The following DSCAM variants were observed in gnomAD, a reference collection of about 807,000 sequenced individuals.
DSCAM encodes cell adhesion molecule DSCAM.
A neutral mutation model predicts 217.7 loss-of-function variants in DSCAM; 47 were observed. The observed-to-expected ratio is 0.22, with a 90% CI of 0.17 to 0.28. The LOEUF (loss-of-function observed/expected upper bound fraction) is 0.28. Ranked by LOEUF, DSCAM falls within the 10% of genes least tolerant of loss-of-function variation. The pLI, the probability that DSCAM is intolerant of heterozygous loss-of-function variation, is 1.00. For synonymous variants in DSCAM, 1,056 were observed against 1,015.3 expected (o/e 1.04, Z -0.76); for missense variants, 2,080 against 2,618.3 (o/e 0.79, Z 4.49).
chr21:40,105,361 C>T (rs2410213), intron 20 of DSCAM, among the ~76,000 whole-genome samples: 16,948 of 152,212 alleles, frequency 0.11, 1,266 homozygotes, highest in Middle Eastern at 0.19. Flanking sequence ...CAAATCTCAT[C>T]TTGAATTGTA....
At chr21:40,645,443 A>G (rs182538387) in intron 3 of DSCAM, among the ~76,000 whole-genome samples, 22 of 152,336 alleles carry the variant, frequency 1.4e-4, no homozygotes, top group African/African-American at 4.6e-4. Context: ...CTGTTAATTG[A>G]ATTAGGGTAA....
intron 18 of DSCAM, among the ~76,000 whole-genome samples, chr21:40,141,402 G>T (rs1329700464): frequency 6.6e-6 from 1 of 152,088 alleles, no homozygotes; most frequent in Non-Finnish European, 1.5e-5. Flanking sequence ...ATCACTTGAG[G>T]CCAGGAGTTC....
chr21:40,446,842 T>G (rs1008108785), intron 3 of DSCAM, among the ~76,000 whole-genome samples: 2 of 152,112 alleles, frequency 1.3e-5, no homozygotes, highest in African/African-American at 4.8e-5. Flanking sequence ...AAAATATAAA[T>G]CCCTATGACT....
At chr21:40,297,041 G>A (rs2073962910) in intron 9 of DSCAM, among the ~76,000 whole-genome samples, 1 of 152,060 alleles carries the variant, frequency 6.6e-6, no homozygotes, top group Non-Finnish European at 1.5e-5. Flanking sequence ...CCAAAATTCT[G>A]GTGAGAACAC....
chr21:40,645,142 T>C (rs1379919466), intron 3 of DSCAM, among the ~76,000 whole-genome samples: 4 of 152,212 alleles, frequency 2.6e-5, no homozygotes, highest in African/African-American at 9.6e-5. Context: ...TACTCTCTTC[T>C]TGCATCCTTT....
chr21:40,040,578 AAAAT>A (rs1482312292), intron 32 of DSCAM, among the ~76,000 whole-genome samples: 4 of 134,424 alleles, frequency 3.0e-5, no homozygotes, highest in Admixed American at 7.4e-5. Context: ...TCACTGGAGA[AAAAT>A]AAAAGCAAGA....
At position 40,313,672 on chromosome 21, in the gene DSCAM, T is replaced by G. The variant is rs866124896; in HGVS notation, c.1784-1313A>C. Among the ~76,000 whole-genome samples the G allele has an allele frequency of 3.3e-5, 5 of 152,280 alleles. No individual in the cohort carries two copies. The Middle Eastern group carries it at 0.01, about 311-fold the overall frequency. On this transcript the variant is annotated intron_variant, in intron 8 of 32. Transcript: ENST00000400454. The stretch of plus-strand genomic sequence containing the variant: ...GATACTCAAAGATGTTACCTTGCCC[T>G]TTTGGTCTTAGAACTAGTTAACTAT...
intron 3 of DSCAM, among the ~76,000 whole-genome samples, chr21:40,588,935 A>G (rs2076965026): frequency 6.6e-6 from 1 of 152,198 alleles, no homozygotes; most frequent in South Asian, 2.1e-4. Context: ...TTCTGTAGCC[A>G]TATTTTCAGG....
At chr21:40,518,788 G>T (rs2076336353) in intron 3 of DSCAM, among the ~76,000 whole-genome samples, 1 of 150,238 alleles carries the variant, frequency 6.7e-6, no homozygotes, top group African/African-American at 2.5e-5. Flanking sequence ...ACTGTGCATG[G>T]CTTAACAGTG....
At chr21:40,706,139 G>A (rs1349983764) in intron 2 of DSCAM, among the ~76,000 whole-genome samples, 4 of 146,274 alleles carry the variant, frequency 2.7e-5, no homozygotes, top group Non-Finnish European at 5.9e-5. Context: ...GAGATCGCGC[G>A]ACTGCACTCC....
At chr21:40,296,318 A>T in intron 9 of DSCAM, 144 bp from the exon 10 acceptor site, 1 of 1,034,682 alleles carries the variant, frequency 9.7e-7, no homozygotes, top group Non-Finnish European at 1.4e-6. Context: ...CACTATTGGC[A>T]GTTTGGGACA....
intron 11 of DSCAM, among the ~76,000 whole-genome samples, chr21:40,226,325 T>C (rs2091332487): frequency 6.6e-6 from 1 of 152,226 alleles, no homozygotes; most frequent in African/African-American, 2.4e-5. Context: ...TAGACAATTC[T>C]TTGTAATTCA....
chr21:40,631,631 A>C lies in DSCAM; in HGVS notation c.508+61179T>G, dbSNP rs149909366. 6.7e-4 allele frequency among the ~76,000 whole-genome samples: 102 copies of C among 152,320 alleles called. 1 individual carries two copies. In the Middle Eastern group the frequency reaches 0.02, roughly 30 times the overall value. On this transcript the variant is annotated intron_variant, in intron 3 of 32. Transcript: ENST00000400454. ...ATTAAGACACTGAAATCAGTCATGG[A>C]AACAATCACTCTGTTCACTCCAGCA...
rs1022393429 is a variant in DSCAM, at chr21:40,017,638, C to A, written c.5687-4252G>T. On this transcript the variant is annotated intron_variant, in intron 32 of 32. Coordinates refer to ENST00000400454, the MANE Select transcript of DSCAM (RefSeq NM_001389.5). ...GTGCAACTCGGTTCGCCACAACCTC[C>A]ACCTCCCGGTTCAAGCGATTCTCCC... is the stretch of plus-strand genomic sequence containing the variant. Among the ~76,000 whole-genome samples the A allele has an allele frequency of 5.8e-4, 88 of 151,286 alleles. 1 individual carries two copies. Among genetic ancestry groups the A allele is most frequent in the African/African-American group, 2.1e-3 (87 of 40,736 alleles).
chr21:40,139,332 G>A (rs2090260126), intron 18 of DSCAM, among the ~76,000 whole-genome samples: 1 of 152,010 alleles, frequency 6.6e-6, no homozygotes, highest in African/African-American at 2.4e-5. Flanking sequence ...ATTTTAGGGA[G>A]ACGTGAGACA....
chr21:40,045,110 A>G (rs766437945), intron 30 of DSCAM, among the ~76,000 whole-genome samples: 2 of 152,248 alleles, frequency 1.3e-5, no homozygotes, highest in African/African-American at 4.8e-5. Context: ...GGAGTGCTAC[A>G]GCTGCAAGCA....
chr21:40,366,310 T>C (rs1294362511), intron 4 of DSCAM, among the ~76,000 whole-genome samples: 3 of 152,128 alleles, frequency 2.0e-5, no homozygotes, highest in Non-Finnish European at 2.9e-5. Context: ...TTGTCAGACA[T>C]CTATACATTT....
At chr21:40,648,488 G>A (rs1180409572) in intron 3 of DSCAM, among the ~76,000 whole-genome samples, 2 of 152,082 alleles carry the variant, frequency 1.3e-5, no homozygotes, top group Non-Finnish European at 2.9e-5. Context: ...CAACCTTCAA[G>A]CCGAAGACAG....
At chr21:40,616,688 A>G (rs1228904730) in intron 3 of DSCAM, among the ~76,000 whole-genome samples, 2 of 152,066 alleles carry the variant, frequency 1.3e-5, no homozygotes, top group East Asian at 3.9e-4. Flanking sequence ...AGTCTCCCTG[A>G]GCCCTGTGAG....
Sources: gnomAD v4.1 joint callset for allele counts (sites outside exome capture counted in the v4.1 genomes callset) on GRCh38, gnomAD v4.1.1 for gene constraint, MANE v1.5 for transcripts, NCBI Gene and HGNC (gene_info 2026-07-23, HGNC 2026-07-21) for gene names.